Variants in SNX8 observed in about 807,000 individuals in gnomAD.
SNX8 encodes the protein sorting nexin 8, also known as sorting nexin-8.
Under a neutral mutation model 51.6 loss-of-function variants are expected in SNX8, and 25 were observed. That is an observed-to-expected ratio of 0.48 (90% CI 0.35 to 0.68). SNX8 has a LOEUF of 0.68. Among genes scored for constraint, SNX8 ranks in the 30% least tolerant of loss-of-function variants. The pLI is 0.00. For synonymous variants in SNX8, 324 were observed against 277.0 expected (o/e 1.17, Z -1.68); for missense variants, 695 against 624.0 (o/e 1.11, Z -1.21).
intron 1 of SNX8, among the ~76,000 whole-genome samples, chr7:2,336,033 G>A (rs1224712467): frequency 2.6e-5 from 4 of 151,106 alleles, no homozygotes; most frequent in African/African-American, 4.9e-5. Flanking sequence ...AACCCTGGAC[G>A]CAGAGGTTGC....
chr7:2,271,818 G>A (rs749226710), intron 4 of SNX8, 32 bp downstream of exon 4: 72 of 1,576,096 alleles, frequency 4.6e-5, no homozygotes, highest in Non-Finnish European at 4.3e-5. Context: ...GACTCCCCGG[G>A]GCCGGGACAT....
chr7:2,290,140 C>T (rs541698295), intron 1 of SNX8, among the ~76,000 whole-genome samples: 41 of 152,132 alleles, frequency 2.7e-4, no homozygotes, highest in African/African-American at 8.4e-4. Context: ...TTGCAGTGCG[C>T]GGAGATTACA....
At chr7:2,352,413 G>C (rs1779165202) in intron 1 of SNX8, among the ~76,000 whole-genome samples, 2 of 151,348 alleles carry the variant, frequency 1.3e-5, no homozygotes, top group Admixed American at 1.3e-4. Context: ...ATTTGACAGA[G>C]AGAGACACAG....
In SNX8 at chr7:2,254,796, C is replaced by T; in HGVS notation, c.*260G>A. 1 of 549,264 alleles carries T rather than the reference C, an allele frequency of 1.8e-6. No homozygotes were observed. The highest frequency in any genetic ancestry group is 3.3e-6 in the Non-Finnish European group (1 of 306,200). The allele number at this position is 549,264 out of a possible 1,614,324, so 34.0% of individuals were successfully genotyped here. A position where few individuals can be genotyped will look rare whatever the true frequency, so the allele number is the denominator to read the frequency against. On this transcript the variant is annotated 3_prime_UTR_variant, in exon 11 of 11. Transcript: ENST00000222990. ...TGCCTCCCCGCACAGCTCTGGGTGT[C>T]AGGAGGAAACCATTCCAGAGAACCC...
intron 1 of SNX8, among the ~76,000 whole-genome samples, chr7:2,282,385 G>T (rs976131189): frequency 6.6e-6 from 1 of 152,144 alleles, no homozygotes; most frequent in African/African-American, 2.4e-5. Flanking sequence ...CATGCGGTGA[G>T]GGGCAAAGTC....
At position 2,306,281 on chromosome 7, in the gene SNX8, C is replaced by T. The variant is rs375610266; in HGVS notation, c.94+8047G>A. Among the ~76,000 whole-genome samples the T allele has an allele frequency of 2.1e-3, 313 of 152,232 alleles. 1 individual carries two copies. Among genetic ancestry groups the T allele is most frequent in the Non-Finnish European group, 3.4e-3 (228 of 68,016 alleles). ...TAGCTGGGATTACAGGCGCATGCCA[C>T]CAAGCCTGGCTAATTTTTGTATTTT... On this transcript the variant is annotated intron_variant, in intron 1 of 10. Transcript: ENST00000222990.
chr7:2,312,960 C>T (rs546257525), intron 1 of SNX8, among the ~76,000 whole-genome samples: 6 of 152,044 alleles, frequency 3.9e-5, no homozygotes, highest in Admixed American at 2.0e-4. Context: ...TGCAGTGGCG[C>T]TATCTCGGCT....
intron 1 of SNX8, among the ~76,000 whole-genome samples, chr7:2,312,482 T>C (rs1035271587): frequency 6.6e-6 from 1 of 152,156 alleles, no homozygotes; most frequent in Admixed American, 6.6e-5. Flanking sequence ...ATGGACACAA[T>C]GTTCTAATCA....
chr7:2,268,109 G>A (rs1321322374), intron 5 of SNX8, among the ~76,000 whole-genome samples: 15 of 147,486 alleles, frequency 1.0e-4, no homozygotes, highest in Non-Finnish European at 1.8e-4. Context: ...CGTCCGGGAG[G>A]GAGGTGGGGG....
Position 2,275,101 on chromosome 7 carries a change from C to T in SNX8, c.418+11G>A, listed in dbSNP as rs1426547776. On this transcript the variant is annotated intron_variant, in intron 3 of 10. Coordinates refer to ENST00000222990, the MANE Select transcript of SNX8 (RefSeq NM_013321.4). ...CCCTCCGCCCCCGGTGGGCAGCACGCCTGGCTTTACCTCCCAGCATTCTCT... is the reference window on the plus strand; with the variant it reads ...CCCTCCGCCCCCGGTGGGCAGCACGTCTGGCTTTACCTCCCAGCATTCTCT... 6.3e-7 allele frequency: 1 copy of T among 1,592,738 alleles called. No individual in the cohort carries two copies. The highest frequency in any genetic ancestry group is 1.1e-5 in the South Asian group (1 of 90,676).
intron 3 of SNX8, among the ~76,000 whole-genome samples, chr7:2,274,488 C>T (rs1318138791): frequency 6.6e-6 from 1 of 152,240 alleles, no homozygotes; most frequent in Non-Finnish European, 1.5e-5. Context: ...CTGGCAGCCG[C>T]CATCCCAAGC....
At chr7:2,267,619 T>C (rs1357984291) in intron 5 of SNX8, among the ~76,000 whole-genome samples, 1 of 147,410 alleles carries the variant, frequency 6.8e-6, no homozygotes, top group Non-Finnish European at 1.5e-5. Context: ...CAGTGCTCAA[T>C]GGTGCCCAGG....
At chr7:2,268,579 C>T (rs1795551314) in intron 5 of SNX8, among the ~76,000 whole-genome samples, 2 of 145,936 alleles carry the variant, frequency 1.4e-5, no homozygotes, top group African/African-American at 5.1e-5. Context: ...TGGCCAGCCG[C>T]CCTGTCCGGG....
intron 1 of SNX8, among the ~76,000 whole-genome samples, chr7:2,278,622 C>CACACTATGGAGTCGACGCCGG (rs2115137550): frequency 1.3e-5 from 1 of 78,190 alleles, no homozygotes; most frequent in South Asian, 4.3e-4. Context: ...ACGCCGGACT[C>CACACTATGGAGTCGACGCCGG]ACTCACACTA....
chr7:2,285,261 C>T (rs895591615), intron 1 of SNX8, among the ~76,000 whole-genome samples: 6 of 148,592 alleles, frequency 4.0e-5, no homozygotes, highest in South Asian at 2.1e-4. Flanking sequence ...TGGTGGCGGG[C>T]GCCTGTAGTC....
At chr7:2,350,539 C>T (rs11760846) in intron 1 of SNX8, among the ~76,000 whole-genome samples, 56,797 of 152,184 alleles carry the variant, frequency 0.37, 11,291 homozygotes, top group East Asian at 0.66. Flanking sequence ...CGCGGTGGCT[C>T]ATGCCTATAA....
intron 1 of SNX8, among the ~76,000 whole-genome samples, chr7:2,285,030 A>G (rs58305354): frequency 0.12 from 18,397 of 151,694 alleles, 3,584 homozygotes; most frequent in African/African-American, 0.41. Context: ...GGCTAACACG[A>G]TGAAACCTCA....
rs942140410 is a variant in SNX8, at chr7:2,254,848, G to A, written c.*208C>T. Reference sequence around the variant, plus strand: ...ACCACCTCTCTCGACCAGGCTAGCAGGCCACAGGGCGAAGGACAGTGTGGC... The same window carrying A: ...ACCACCTCTCTCGACCAGGCTAGCAAGCCACAGGGCGAAGGACAGTGTGGC... On this transcript the variant is annotated 3_prime_UTR_variant, in exon 11 of 11. Coordinates refer to ENST00000222990, the MANE Select transcript of SNX8 (RefSeq NM_013321.4). 1 of 596,684 alleles carries A rather than the reference G, an allele frequency of 1.7e-6. No individual in the cohort carries two copies. Among genetic ancestry groups the A allele is most frequent in the African/African-American group, 1.9e-5 (1 of 53,810 alleles). The allele number at this position is 596,684 out of a possible 1,614,324, so 37.0% of individuals were successfully genotyped here.
rs1235763648 is a variant in SNX8, at chr7:2,253,749, A to G, written c.*1307T>C. On this transcript the variant is annotated 3_prime_UTR_variant, in exon 11 of 11. Coordinates refer to ENST00000222990, the MANE Select transcript of SNX8 (RefSeq NM_013321.4). ...TGGATCACCTGCCTGCGGGGCACACACAGGAGTCCCCTCTCCATCCCACGG... is the reference window on the plus strand; with the variant it reads ...TGGATCACCTGCCTGCGGGGCACACGCAGGAGTCCCCTCTCCATCCCACGG... 1 of 152,216 alleles carries G rather than the reference A, an allele frequency of 6.6e-6. No homozygotes were observed. Among genetic ancestry groups the G allele is most frequent in the Non-Finnish European group, 1.5e-5 (1 of 68,110 alleles). The allele number at this position is 152,216 out of a possible 1,614,324, so 9.4% of individuals were successfully genotyped here.
Sources: gnomAD v4.1 joint callset for allele counts (sites outside exome capture counted in the v4.1 genomes callset) on GRCh38, gnomAD v4.1.1 for gene constraint, MANE v1.5 for transcripts, NCBI Gene and HGNC (gene_info 2026-07-23, HGNC 2026-07-21) for gene names.